Variants in PCNT observed in about 807,000 individuals in gnomAD.
PCNT encodes the protein kendrin.
In PCNT, 319 loss-of-function variants were observed where a neutral mutation model predicts 380.4. The ratio of observed to expected loss-of-function variants is 0.84; its 90% confidence interval spans 0.77 to 0.92. PCNT has a LOEUF of 0.92. Ranked by LOEUF, PCNT falls within the 40% of genes least tolerant of loss-of-function variation. PCNT has a pLI of 0.00. For synonymous variants in PCNT, 1,845 were observed against 1,735.2 expected (o/e 1.06, Z -1.57); for missense variants, 4,400 against 4,255.3 (o/e 1.03, Z -0.95).
intron 41 of PCNT, 76 bp from the exon 42 acceptor site, chr21:46,440,007 T>G: frequency 1.3e-6 from 2 of 1,589,656 alleles, no homozygotes; most frequent in Non-Finnish European, 1.7e-6. Context: ...CTCCCTCACC[T>G]GCCCCCGGCT....
chr21:46,438,090 G>C, intron 40 of PCNT, 74 bp from the exon 41 acceptor site: 1 of 1,210,366 alleles, frequency 8.3e-7, no homozygotes, highest in Non-Finnish European at 1.2e-6. Flanking sequence ...AAAAATAACT[G>C]TTGACAAAAA....
rs749888652 is a variant in PCNT, at chr21:46,428,583, C to T, written c.7683C>T (p.Arg2561=). ...GGAGCCAGCAGGAGCACCAGCTGCG[C>T]AGGCAGGGTGGGTGTCACTGTCTAC... ...ARGSQQEHQL[R]RQVELLAYKV... Residue 2561 remains arginine (R), a synonymous_variant, in exon 35 of 47, where the codon CGC becomes CGT. Transcript: ENST00000359568. 1.9e-5 allele frequency: 30 copies of T among 1,597,348 alleles called. No homozygotes were observed. Among genetic ancestry groups the T allele is most frequent in the Non-Finnish European group, 2.3e-5 (27 of 1,177,550 alleles).
rs2087604207 is a variant in PCNT at position 46,428,485 on chromosome 21, C to T, written c.7585C>T (p.Arg2529Cys). ...SEIQALRAQL[R>C]MTHLQNQEKL... ...GATCCAGGCGCTGCGTGCCCAGCTG[C>T]GCATGACGCACCTGCAGAACCAGGA... Residue 2529 changes from arginine (R) to cysteine (C), a missense_variant, in exon 35 of 47, where the codon CGC becomes TGC. Transcript: ENST00000359568. 2.5e-6 allele frequency: 4 copies of T among 1,612,118 alleles called. No individual in the cohort carries two copies. The highest frequency in any genetic ancestry group is 2.2e-5 in the East Asian group (1 of 44,886).
rs1029231791 is a variant in PCNT, at chr21:46,397,453, T to A, written c.4405T>A (p.Ser1469Thr). The change falls in exon 22 of 47, where the codon TCT (serine) becomes ACT (threonine). Residue 1469 changes from serine (S) to threonine (T), a missense_variant. By Grantham distance (58) the Ser-to-Thr change is moderately conservative. Transcript: ENST00000359568. ...AVTALEQQVA[S>T]LDKHLRNQRQ... ...CACTGCCCTGGAACAGCAGGTGGCA[T>A]CTCTGGACAAGCATTTGCGCAACCA... 1.9e-6 allele frequency: 3 copies of A among 1,614,084 alleles called. No homozygotes were observed. Among genetic ancestry groups the A allele is most frequent in the Non-Finnish European group, 2.5e-6 (3 of 1,180,048 alleles).
chr21:46,369,155 G>A (rs556409153), intron 15 of PCNT, among the ~76,000 whole-genome samples: 2 of 152,384 alleles, frequency 1.3e-5, no homozygotes, highest in South Asian at 2.1e-4. Context: ...TGAGTAAGGT[G>A]CAGTCAGTTG....
At chr21:46,360,480 C>T (rs2084669799) in intron 13 of PCNT, among the ~76,000 whole-genome samples, 1 of 150,014 alleles carries the variant, frequency 6.7e-6, no homozygotes, top group Admixed American at 6.7e-5. Context: ...GCCTCGGACT[C>T]CCAAAGTGCT....
chr21:46,437,155 C>A, intron 40 of PCNT, 74 bp downstream of exon 40: 1 of 897,090 alleles, frequency 1.1e-6, no homozygotes. Flanking sequence ...CTTTGTGGTT[C>A]TTTTTCACGC....
chr21:46,380,620 A>G (rs1413515081), intron 15 of PCNT, among the ~76,000 whole-genome samples: 1 of 152,036 alleles, frequency 6.6e-6, no homozygotes, highest in Non-Finnish European at 1.5e-5. Context: ...CAGGGCTGTT[A>G]GATTGGAGAG....
intron 19 of PCNT, 89 bp from the exon 20 acceptor site, chr21:46,390,581 C>G: frequency 7.0e-7 from 1 of 1,426,148 alleles, no homozygotes; most frequent in East Asian, 2.3e-5. Context: ...CCTGAAGGGT[C>G]TGGGGGTAGA....
intron 32 of PCNT, among the ~76,000 whole-genome samples, chr21:46,422,417 T>C (rs1012972346): frequency 8.1e-5 from 11 of 136,200 alleles, no homozygotes; most frequent in African/African-American, 3.8e-4. Context: ...CCTGTGCCTC[T>C]CTCCCGCCTG....
rs565012620 is a variant in PCNT, at chr21:46,415,965, C to T, written c.6151-104C>T. 5.8e-5 allele frequency: 61 copies of T among 1,057,024 alleles called. 1 individual carries two copies. In the Admixed American group the frequency reaches 9.2e-4, roughly 16 times the overall value. 65.5% of individuals were successfully genotyped at this position (1,057,024 alleles called of 1,614,324 possible). A position where few individuals can be genotyped will look rare whatever the true frequency, so the allele number is the denominator to read the frequency against. The stretch of plus-strand genomic sequence containing the variant: ...TGTGCAGGGCTCATTGTGGAATCAC[C>T]CGAGTGCTCCGAAACTCCCTGAAAT... On this transcript the variant is annotated intron_variant, in intron 29 of 46. Coordinates refer to ENST00000359568, the MANE Select transcript of PCNT (RefSeq NM_006031.6).
rs2086435173 is a variant in PCNT, at chr21:46,401,738, G to A, written c.4962+17G>A. On this transcript the variant is annotated intron_variant, in intron 26 of 46. Coordinates refer to ENST00000359568, the MANE Select transcript of PCNT (RefSeq NM_006031.6). ...GAGAGCGAGGTGAGTGCAGAGTGGG[G>A]CCATGGGACTGCCAGCCCTGGGTCA... 1 of 1,613,730 alleles carries A rather than the reference G, an allele frequency of 6.2e-7. No individual in the cohort carries two copies. The highest frequency in any genetic ancestry group is 8.5e-7 in the Non-Finnish European group (1 of 1,179,768).
At chr21:46,378,476 G>A (rs1342119162) in intron 15 of PCNT, among the ~76,000 whole-genome samples, 1 of 152,198 alleles carries the variant, frequency 6.6e-6, no homozygotes, top group African/African-American at 2.4e-5. Flanking sequence ...CAGTTGGTCT[G>A]ATCACCGAGA....
At chr21:46,353,077 C>T (rs200583128) in intron 9 of PCNT, 27 bp from the exon 10 acceptor site, 42 of 1,592,368 alleles carry the variant, frequency 2.6e-5, no homozygotes, top group Admixed American at 8.3e-5. Context: ...CATTTTAAGA[C>T]GATTGCCTGA....
intron 13 of PCNT, among the ~76,000 whole-genome samples, chr21:46,362,813 C>CA (rs1380020139): frequency 2.0e-5 from 3 of 151,648 alleles, no homozygotes; most frequent in Admixed American, 2.0e-4. Context: ...TTCGAGGCTG[C>CA]AGTGAGCTGT....
At chr21:46,332,057 G>A (rs1254694434) in intron 2 of PCNT, among the ~76,000 whole-genome samples, 1 of 152,214 alleles carries the variant, frequency 6.6e-6, no homozygotes, top group Non-Finnish European at 1.5e-5. Context: ...GTACTCGGGA[G>A]GCTGAGGCAG....
At chr21:46,402,914 T>G (rs1461564745) in intron 27 of PCNT, among the ~76,000 whole-genome samples, 1 of 152,246 alleles carries the variant, frequency 6.6e-6, no homozygotes, top group East Asian at 1.9e-4. Context: ...TTTTTAAATT[T>G]TTGTGAGTAC....
intron 9 of PCNT, 95 bp downstream of exon 9, chr21:46,351,635 A>G: frequency 1.2e-6 from 1 of 819,066 alleles, no homozygotes; most frequent in South Asian, 1.4e-5. Flanking sequence ...CAATTCTAGC[A>G]AACACAAAAA....
intron 27 of PCNT, 116 bp downstream of exon 27, chr21:46,402,599 C>G (rs1601971520): frequency 9.1e-7 from 1 of 1,098,056 alleles, no homozygotes; most frequent in Admixed American, 1.8e-5. Context: ...ACGCCCGTGG[C>G]CCCCATGTGG....
Sources: gnomAD v4.1 joint callset for allele counts (sites outside exome capture counted in the v4.1 genomes callset) on GRCh38, gnomAD v4.1.1 for gene constraint, MANE v1.5 for transcripts, NCBI Gene and HGNC (gene_info 2026-07-23, HGNC 2026-07-21) for gene names.